The following RPS6KC1 variants were observed in gnomAD, a reference collection of about 807,000 sequenced individuals.
RPS6KC1 encodes inactive ribosomal protein S6 kinase delta-1.
A neutral mutation model predicts 103.8 loss-of-function variants in RPS6KC1; 54 were observed. The ratio of observed to expected loss-of-function variants is 0.52; its 90% confidence interval spans 0.42 to 0.65. RPS6KC1 has a LOEUF of 0.65. Ranked by LOEUF, RPS6KC1 falls within the 30% of genes least tolerant of loss-of-function variation. The probability of loss-of-function intolerance (pLI) is 0.00; values close to 1 mark genes in which losing one functional copy is unlikely to be tolerated. For missense variants in RPS6KC1, 1,151 were observed against 1,253.8 expected (o/e 0.92, Z 1.24); for synonymous variants, 439 against 438.7 (o/e 1.00, Z -0.01).
chr1:213,476,685 T>A, the RPS6KC1 span, among the ~76,000 whole-genome samples: 1 of 152,222 alleles, frequency 6.6e-6, no homozygotes, highest in Non-Finnish European at 1.5e-5. Context: ...GCTGGAGGAA[T>A]GTGCTTTGCA....
At chr1:213,493,074 A>T in the RPS6KC1 span, among the ~76,000 whole-genome samples, 2 of 152,252 alleles carry the variant, frequency 1.3e-5, no homozygotes, top group African/African-American at 2.4e-5. Context: ...CATTATTTGT[A>T]GTCAGTCACG....
In RPS6KC1 at chr1:213,074,701, C is replaced by T. The variant is rs139065831; in HGVS notation, c.142-2995C>T. 3.8e-3 allele frequency among the ~76,000 whole-genome samples: 573 copies of T among 152,036 alleles called. 4 individuals are homozygous for T. Among genetic ancestry groups the T allele is most frequent in the African/African-American group, 0.011 (467 of 41,474 alleles). ...CATGGTGAAGAAACACAGATTCTCACCTGGGGGGTTCTAATTCTTGCTCTG... is the reference window on the plus strand; with the variant it reads ...CATGGTGAAGAAACACAGATTCTCATCTGGGGGGTTCTAATTCTTGCTCTG... On this transcript the variant is annotated intron_variant, in intron 2 of 14. Transcript: ENST00000366960.
the RPS6KC1 span, among the ~76,000 whole-genome samples, chr1:213,715,504 C>G: frequency 6.6e-6 from 1 of 152,188 alleles, no homozygotes; most frequent in East Asian, 1.9e-4. Flanking sequence ...GCATTTGGTT[C>G]AGGTCTTCCA....
intron 14 of RPS6KC1, among the ~76,000 whole-genome samples, chr1:213,266,453 A>T (rs2094914221): frequency 6.6e-6 from 1 of 152,190 alleles, no homozygotes; most frequent in Non-Finnish European, 1.5e-5. Context: ...TACTGTGAGT[A>T]TTCTTAAATT....
chr1:213,738,940 TA>T, the RPS6KC1 span, among the ~76,000 whole-genome samples: 262 of 150,524 alleles, frequency 1.7e-3, 2 homozygotes, highest in African/African-American at 4.5e-3. Context: ...TTTTTTTTTT[TA>T]AATGGAAGAA....
the RPS6KC1 span, chr1:213,794,585 TCACTC>T: frequency 1.3e-5 from 2 of 152,170 alleles, no homozygotes; most frequent in Admixed American, 1.3e-4. Flanking sequence ...CATTAAAAAA[TCACTC>T]CATTTGCATG....
chr1:213,461,710 A>C, the RPS6KC1 span, among the ~76,000 whole-genome samples: 1 of 152,206 alleles, frequency 6.6e-6, no homozygotes, highest in African/African-American at 2.4e-5. Context: ...TGTTGGGAAA[A>C]CTGACTAGCT....
chr1:213,607,351 A>T, the RPS6KC1 span, among the ~76,000 whole-genome samples: 1 of 152,246 alleles, frequency 6.6e-6, no homozygotes, highest in Admixed American at 6.5e-5. Flanking sequence ...TTAGAGTAAT[A>T]AAGGATTTGG....
chr1:213,633,329 A>C, the RPS6KC1 span, among the ~76,000 whole-genome samples: 1 of 152,230 alleles, frequency 6.6e-6, no homozygotes, highest in Non-Finnish European at 1.5e-5. Context: ...AGGCAAGCCC[A>C]TCAGACTAAC....
chr1:213,363,596 T>TGCTC, the RPS6KC1 span, among the ~76,000 whole-genome samples: 57 of 76,470 alleles, frequency 7.5e-4, 3 homozygotes, highest in Non-Finnish European at 1.0e-3. Flanking sequence ...CTTTAGCCCT[T>TGCTC]GCTCGCTCGC....
chr1:213,152,786 TC>T (rs1482502523), intron 6 of RPS6KC1, among the ~76,000 whole-genome samples: 2 of 143,112 alleles, frequency 1.4e-5, no homozygotes, highest in African/African-American at 5.3e-5. Context: ...GCTCCTCACA[TC>T]CCAGATGATG....
chr1:213,846,403 C>T, the RPS6KC1 span, among the ~76,000 whole-genome samples: 1 of 152,172 alleles, frequency 6.6e-6, no homozygotes, highest in Non-Finnish European at 1.5e-5. Context: ...AGCGCCTCCA[C>T]TTCATTGCCT....
chr1:213,097,581 A>G (rs1249714620), intron 3 of RPS6KC1, among the ~76,000 whole-genome samples: 1 of 152,258 alleles, frequency 6.6e-6, no homozygotes, highest in Non-Finnish European at 1.5e-5. Context: ...AGCTTCTAAC[A>G]GAAGAGTCAG....
At chr1:213,604,600 AG>A in the RPS6KC1 span, among the ~76,000 whole-genome samples, 6 of 152,216 alleles carry the variant, frequency 3.9e-5, no homozygotes, top group South Asian at 1.2e-3. Context: ...CAGGGACTGG[AG>A]TCCTGTCCCT....
chr1:213,739,202 T>C, the RPS6KC1 span, among the ~76,000 whole-genome samples: 6 of 152,216 alleles, frequency 3.9e-5, no homozygotes, highest in Non-Finnish European at 8.8e-5. Context: ...ATGATCCATT[T>C]TCACTTAATG....
At chr1:213,817,712 C>T in the RPS6KC1 span, 1 of 152,208 alleles carries the variant, frequency 6.6e-6, no homozygotes, top group Non-Finnish European at 1.5e-5. Flanking sequence ...CATCTATTTC[C>T]TCTTCTATAA....
At chr1:213,188,518 A>G (rs1237816143) in intron 8 of RPS6KC1, among the ~76,000 whole-genome samples, 4 of 151,818 alleles carry the variant, frequency 2.6e-5, no homozygotes, top group Non-Finnish European at 5.9e-5. Context: ...GCACTTACAT[A>G]TTTGTTTGTT....
chr1:213,318,886 T>C, the RPS6KC1 span, among the ~76,000 whole-genome samples: 2 of 152,298 alleles, frequency 1.3e-5, no homozygotes, highest in South Asian at 4.1e-4. Flanking sequence ...GTGTCCATAG[T>C]AGGGATGAAG....
In RPS6KC1 at chr1:213,051,504, G is replaced by T; in HGVS notation, c.100G>T (p.Ala34Ser). The change falls in exon 1 of 15, where the codon GCC becomes TCC. Residue 34 changes from alanine (A) to serine (S), a missense_variant. Transcript: ENST00000366960. Reference protein sequence around the residue: ...PRGYTVYKVTARVVSRRNPED... With the variant: ...PRGYTVYKVTSRVVSRRNPED... Reference sequence around the variant, plus strand: ...GGGCTACACAGTATATAAGGTCACCGCCCGGGTGAGTGCCGGTGTCGGGCT... The same window carrying T: ...GGGCTACACAGTATATAAGGTCACCTCCCGGGTGAGTGCCGGTGTCGGGCT... The T allele has an allele frequency of 6.2e-7, 1 of 1,607,864 alleles. No individual in the cohort carries two copies.
Sources: gnomAD v4.1 joint callset for allele counts (sites outside exome capture counted in the v4.1 genomes callset) on GRCh38, gnomAD v4.1.1 for gene constraint, MANE v1.5 for transcripts, NCBI Gene and HGNC (gene_info 2026-07-23, HGNC 2026-07-21) for gene names.